KCNQ1OT1: variants seen among roughly 807,000 people sequenced by gnomAD.
The protein encoded by KCNQ1OT1 is KCNQ1 antisense RNA 2 (non-protein coding).
At position 2,617,214 on chromosome 11, in the gene KCNQ1OT1, C is replaced by T; in HGVS notation, n.82781G>A. ...CTGCTACTTGGTATCCTTTGACCTA[C>T]ATCTTTCCATTTTCTTCCCCCACAC... On this transcript the variant is annotated non_coding_transcript_exon_variant, in exon 1 of 1. Transcript: ENST00000597346. The surrounding 1 kb of genome is among the most constrained non-coding windows in gnomAD (Gnocchi z 4.6). 2.5e-6 allele frequency: 1 copy of T among 398,402 alleles called. No individual in the cohort carries two copies. The highest frequency in any genetic ancestry group is 4.4e-6 in the Non-Finnish European group (1 of 225,926). The allele number at this position is 398,402 out of a possible 1,614,324, so 24.7% of individuals were successfully genotyped here. A position where few individuals can be genotyped will look rare whatever the true frequency, so the allele number is the denominator to read the frequency against.
At chr11:2,638,294 T>C (rs1486426565) in exon 1 of KCNQ1OT1, 2 of 152,250 alleles carry the variant, frequency 1.3e-5, no homozygotes, top group Non-Finnish European at 2.9e-5. Context: ...ATTTGTCATG[T>C]TTTTGCAGTG....
Position 2,670,020 on chromosome 11 carries a change from G to A in KCNQ1OT1, n.29975C>T, listed in dbSNP as rs772029661. ...GGGGTTCAGGAGCTGTTGGGGTCCC[G>A]TGGAGGTACAGGCGGAAACCTAGCA... On this transcript the variant is annotated non_coding_transcript_exon_variant, in exon 1 of 1. Coordinates refer to ENST00000597346, the Ensembl canonical transcript of KCNQ1OT1. This position sits in a 1 kb window ranked among gnomAD's most constrained non-coding sequence, Gnocchi z 4.9. 14 of 398,526 alleles carry A rather than the reference G, an allele frequency of 3.5e-5. No homozygotes were observed. The highest frequency in any genetic ancestry group is 6.2e-4 in the Middle Eastern group (1 of 1,610). 24.7% of individuals were successfully genotyped at this position (398,526 alleles called of 1,614,324 possible). A position where few individuals can be genotyped will look rare whatever the true frequency, so the allele number is the denominator to read the frequency against.
exon 1 of KCNQ1OT1, chr11:2,618,853 T>G (rs1849116165): frequency 1.5e-5 from 6 of 398,224 alleles, no homozygotes; most frequent in South Asian, 1.3e-4. Context: ...GTTTAATTTC[T>G]TTCATCAATG....
chr11:2,631,946 G>C, exon 1 of KCNQ1OT1: 1 of 396,998 alleles, frequency 2.5e-6, no homozygotes, highest in Non-Finnish European at 4.4e-6. Flanking sequence ...ACTTTGGGAG[G>C]CTGAGGAGGG....
Position 2,676,682 on chromosome 11 carries a change from C to G in KCNQ1OT1, n.23313G>C, listed in dbSNP as rs528342188. The G allele has an allele frequency of 7.5e-6, 3 of 398,640 alleles. No homozygotes were observed. Among genetic ancestry groups the G allele is most frequent in the Non-Finnish European group, 1.3e-5 (3 of 226,076 alleles). 24.7% of individuals were successfully genotyped at this position (398,640 alleles called of 1,614,324 possible). Reference sequence around the variant, plus strand: ...GGTCTTGAGTATTTCCAAGGGAGCACTAACTGGACTACAGCCTGGCAGGAG... The same window carrying G: ...GGTCTTGAGTATTTCCAAGGGAGCAGTAACTGGACTACAGCCTGGCAGGAG... On this transcript the variant is annotated non_coding_transcript_exon_variant, in exon 1 of 1. Coordinates refer to ENST00000597346, the Ensembl canonical transcript of KCNQ1OT1. This position sits in a 1 kb window ranked among gnomAD's most constrained non-coding sequence, Gnocchi z 4.2.
exon 1 of KCNQ1OT1, chr11:2,689,553 GA>G: frequency 5.0e-6 from 2 of 398,668 alleles, no homozygotes; most frequent in Non-Finnish European, 8.8e-6. Flanking sequence ...AGGAAGAACA[GA>G]ATGAATGATG....
exon 1 of KCNQ1OT1, chr11:2,693,134 C>T (rs1210143311): frequency 2.5e-6 from 1 of 398,552 alleles, no homozygotes; most frequent in African/African-American, 2.1e-5. Flanking sequence ...CTGTCAATCA[C>T]CAGATAGCCC....
chr11:2,623,672 T>A lies in KCNQ1OT1; in HGVS notation n.76323A>T. ...TACAGTTTATCTGTCTACTCACCTA[T>A]GGAAGGACATCTCGGTTGCTTCCAA... On this transcript the variant is annotated non_coding_transcript_exon_variant, in exon 1 of 1. Coordinates refer to ENST00000597346, the Ensembl canonical transcript of KCNQ1OT1. The surrounding 1 kb of genome is among the most constrained non-coding windows in gnomAD (Gnocchi z 5.2). 2 of 398,596 alleles carry A rather than the reference T, an allele frequency of 5.0e-6. No homozygotes were observed. Among genetic ancestry groups the A allele is most frequent in the Non-Finnish European group, 8.8e-6 (2 of 226,032 alleles). The allele number at this position is 398,596 out of a possible 1,614,324, so 24.7% of individuals were successfully genotyped here.
At chr11:2,680,488 G>A (rs1353365164) in exon 1 of KCNQ1OT1, 3 of 397,760 alleles carry the variant, frequency 7.5e-6, no homozygotes, top group Non-Finnish European at 1.3e-5. Flanking sequence ...TTTAATTTGG[G>A]CATTTTTTAA....
rs1850161479 is a variant in KCNQ1OT1, at chr11:2,670,376, C to T, written n.29619G>A. 2.5e-6 allele frequency: 1 copy of T among 398,228 alleles called. No homozygotes were observed. Among genetic ancestry groups the T allele is most frequent in the Non-Finnish European group, 4.4e-6 (1 of 226,020 alleles). 24.7% of individuals were successfully genotyped at this position (398,228 alleles called of 1,614,324 possible). On this transcript the variant is annotated non_coding_transcript_exon_variant, in exon 1 of 1. Transcript: ENST00000597346. The surrounding 1 kb of genome is among the most constrained non-coding windows in gnomAD (Gnocchi z 4.9). ...AGATGGTTAGTATAGGCTGAAATTC[C>T]AAGAGCATTAACCAGACACCTACTA...
chr11:2,696,161 C>A lies in KCNQ1OT1; in HGVS notation n.3834G>T, dbSNP rs141467079. The A allele has an allele frequency of 8.7e-3, 3,479 of 398,636 alleles. 21 individuals carry two copies. The highest frequency in any genetic ancestry group is 0.02 in the South Asian group (160 of 7,862). 24.7% of individuals were successfully genotyped at this position (398,636 alleles called of 1,614,324 possible). A position where few individuals can be genotyped will look rare whatever the true frequency, so the allele number is the denominator to read the frequency against. On this transcript the variant is annotated non_coding_transcript_exon_variant, in exon 1 of 1. Transcript: ENST00000597346. ...ATTTTAGTCTTGAGGTTTGTGCTTTCTGGATCCTGTTTAAGAACCCCACGG... is the reference window on the plus strand; with the variant it reads ...ATTTTAGTCTTGAGGTTTGTGCTTTATGGATCCTGTTTAAGAACCCCACGG...
chr11:2,670,594 C>A lies in KCNQ1OT1; in HGVS notation n.29401G>T, dbSNP rs2283184. On this transcript the variant is annotated non_coding_transcript_exon_variant, in exon 1 of 1. Coordinates refer to ENST00000597346, the Ensembl canonical transcript of KCNQ1OT1. The surrounding 1 kb of genome is among the most constrained non-coding windows in gnomAD (Gnocchi z 4.9). ...ATAGGAGCAGAAGCCAGGGCTCATT[C>A]CCAGACACACAATCTCTGGGGGAGC... The A allele has an allele frequency of 1.8e-4, 72 of 398,262 alleles. No individual in the cohort carries two copies. Among genetic ancestry groups the A allele is most frequent in the Admixed American group, 7.9e-4 (18 of 22,682 alleles). 24.7% of individuals were successfully genotyped at this position (398,262 alleles called of 1,614,324 possible).
exon 1 of KCNQ1OT1, chr11:2,665,817 T>C (rs1001949180): frequency 7.5e-6 from 3 of 398,416 alleles, no homozygotes; most frequent in East Asian, 3.6e-5. Context: ...TGCAGACACA[T>C]TGTGCCAGTG....
exon 1 of KCNQ1OT1, chr11:2,660,049 G>T (rs1849923128): frequency 7.5e-6 from 3 of 398,252 alleles, no homozygotes; most frequent in African/African-American, 4.1e-5. Flanking sequence ...TTTTGATAAA[G>T]TCCAATTTGT....
chr11:2,639,580 C>T (rs1213921076), exon 1 of KCNQ1OT1: 2 of 152,480 alleles, frequency 1.3e-5, no homozygotes, highest in Non-Finnish European at 2.9e-5. Flanking sequence ...GAAGCTTCGT[C>T]TCAGAGGAGT....
rs1850180447 is a variant in KCNQ1OT1, at chr11:2,671,327, C to CA, written n.28667dup. On this transcript the variant is annotated non_coding_transcript_exon_variant, in exon 1 of 1. Transcript: ENST00000597346. The surrounding 1 kb of genome is among the most constrained non-coding windows in gnomAD (Gnocchi z 4.7). ...CTTTTCCCATGTGTGGCTGCAGCCT[C>CA]AGAGGCTCCCTCTGAAGATGACACT... The CA allele has an allele frequency of 2.5e-6, 1 of 398,492 alleles. No individual in the cohort carries two copies. The highest frequency in any genetic ancestry group is 4.4e-6 in the Non-Finnish European group (1 of 226,062). The allele number at this position is 398,492 out of a possible 1,614,324, so 24.7% of individuals were successfully genotyped here.
rs1218352002 is a variant in KCNQ1OT1, at chr11:2,651,967, A to G, written n.48028T>C. The G allele has an allele frequency of 7.5e-6, 3 of 398,594 alleles. No homozygotes were observed. The highest frequency in any genetic ancestry group is 1.3e-5 in the Non-Finnish European group (3 of 226,148). The allele number at this position is 398,594 out of a possible 1,614,324, so 24.7% of individuals were successfully genotyped here. A position where few individuals can be genotyped will look rare whatever the true frequency, so the allele number is the denominator to read the frequency against. ...GCAGCCAGCAGCAGTGGGGGAGCCA[A>G]GCTGAGTTGATTACTTTTGACATCA... is the stretch of plus-strand genomic sequence containing the variant. On this transcript the variant is annotated non_coding_transcript_exon_variant, in exon 1 of 1. Transcript: ENST00000597346. This position sits in a 1 kb window ranked among gnomAD's most constrained non-coding sequence, Gnocchi z 6.1.
exon 1 of KCNQ1OT1, chr11:2,641,584 G>A: frequency 2.5e-6 from 1 of 398,372 alleles, no homozygotes; most frequent in Non-Finnish European, 4.4e-6. Context: ...CATTCAACAG[G>A]CTGTCTCTTC....
In KCNQ1OT1 at chr11:2,617,874, T is replaced by C; in HGVS notation, n.82121A>G. 2.5e-6 allele frequency: 1 copy of C among 398,598 alleles called. No homozygotes were observed. 24.7% of individuals were successfully genotyped at this position (398,598 alleles called of 1,614,324 possible). ...CTCAGTTCCACTGCCCATTTTTTAA[T>C]TGGGTTATCTATTTTCTTGTTATTG... On this transcript the variant is annotated non_coding_transcript_exon_variant, in exon 1 of 1. Transcript: ENST00000597346. This position sits in a 1 kb window ranked among gnomAD's most constrained non-coding sequence, Gnocchi z 4.6.
Sources: gnomAD v4.1 joint callset for allele counts on GRCh38, gnomAD v4.1.1 for gene constraint, Gnocchi (gnomAD v3.1) non-coding constraint, MANE v1.5 for transcripts, NCBI Gene and HGNC (gene_info 2026-07-23, HGNC 2026-07-21) for gene names.